The following ZFYVE28 variants were observed in gnomAD, a reference collection of about 807,000 sequenced individuals.
The protein encoded by ZFYVE28 is lateral signaling target protein 2 homolog.
In ZFYVE28, 40 loss-of-function variants were observed where a neutral mutation model predicts 82.1. The ratio of observed to expected loss-of-function variants is 0.49; its 90% CI spans 0.38 to 0.63. The LOEUF is 0.63. ZFYVE28 is among the 30% of genes least tolerant of loss of function. The probability of loss-of-function intolerance (pLI) is 0.00; values close to 1 mark genes in which losing one functional copy is unlikely to be tolerated. For missense variants in ZFYVE28, 1,321 were observed against 1,242.1 expected, an observed-to-expected ratio of 1.06 and a Z score of -0.96; for synonymous variants, 612 against 546.1, an observed-to-expected ratio of 1.12 and a Z score of -1.68.
At chr4:2,281,867 G>A (rs1407542656) in intron 8 of ZFYVE28, among the ~76,000 whole-genome samples, 5 of 152,206 alleles carry the variant, frequency 3.3e-5, no homozygotes. Context: ...CAAAAGCCAA[G>A]TCTAGTGGGG....
chr4:2,288,628 CT>C (rs780240529), intron 8 of ZFYVE28, among the ~76,000 whole-genome samples: 23 of 152,248 alleles, frequency 1.5e-4, no homozygotes, highest in Non-Finnish European at 2.9e-4. Context: ...ATCACCACCT[CT>C]GCCATGTGGG....
chr4:2,369,326 ATGGGCAAGTGTGGAC>A (rs1483448709), intron 1 of ZFYVE28, among the ~76,000 whole-genome samples: 1 of 152,186 alleles, frequency 6.6e-6, no homozygotes, highest in African/African-American at 2.4e-5. Context: ...CACCAAAGCC[ATGGGCAAGTGTGGAC>A]TGGGCAATGT....
rs778253645 is a variant in ZFYVE28, at chr4:2,335,800, C to T, written c.612-6G>A. ...GGTACCCGAAGTCCAGGGCCCTGTC[C>T]GGGGAGACGGACAGTGAGCAGCATG... is the stretch of plus-strand genomic sequence containing the variant. On this transcript the variant is annotated splice_region_variant and splice_polypyrimidine_tract_variant and intron_variant, in intron 5 of 12. Transcript: ENST00000290974. This position sits in a 1 kb window ranked among gnomAD's most constrained non-coding sequence, Gnocchi z 5.8. 4.5e-6 allele frequency: 7 copies of T among 1,555,698 alleles called. No individual in the cohort carries two copies. Among genetic ancestry groups the T allele is most frequent in the South Asian group, 1.2e-5 (1 of 84,364 alleles).
At chr4:2,334,292 TA>T (rs1174685882) in intron 6 of ZFYVE28, among the ~76,000 whole-genome samples, 1 of 152,024 alleles carries the variant, frequency 6.6e-6, no homozygotes, top group Non-Finnish European at 1.5e-5. Context: ...CACCAGGACC[TA>T]GGGGAGTGAG....
Position 2,304,953 on chromosome 4 carries a change from G to A in ZFYVE28, c.1387C>T (p.Leu463Phe), listed in dbSNP as rs534718019. The change falls in exon 8 of 13, where the codon CTC (leucine) becomes TTC (phenylalanine). Residue 463 changes from leucine to phenylalanine, a missense_variant. Coordinates refer to ENST00000290974, the MANE Select transcript of ZFYVE28 (RefSeq NM_020972.3). The stretch of plus-strand genomic sequence containing the variant: ...GCCCCATCTGTGCCCTCGGCCTCGA[G>A]ATTGTTGTTGCTCAAGTCCTCCTCC... ...EKEEDLSNNN[L>F]EAEGTDGASL... 27 of 1,612,616 alleles carry A rather than the reference G, an allele frequency of 1.7e-5. No homozygotes were observed. Among genetic ancestry groups the A allele is most frequent in the Non-Finnish European group, 2.1e-5 (25 of 1,179,894 alleles).
At chr4:2,386,414 G>A (rs936092300) in intron 1 of ZFYVE28, among the ~76,000 whole-genome samples, 2 of 152,210 alleles carry the variant, frequency 1.3e-5, no homozygotes, top group Non-Finnish European at 2.9e-5. Context: ...CAACAAAGGA[G>A]GCGGAGGTTG....
At chr4:2,274,724 G>A (rs1307329116) in intron 8 of ZFYVE28, among the ~76,000 whole-genome samples, 1 of 152,162 alleles carries the variant, frequency 6.6e-6, no homozygotes, top group Non-Finnish European at 1.5e-5. Context: ...TGAATGATCC[G>A]GACAGGTCAT....
At chr4:2,392,211 C>A (rs530980465) in intron 1 of ZFYVE28, among the ~76,000 whole-genome samples, 12 of 151,668 alleles carry the variant, frequency 7.9e-5, no homozygotes, top group Admixed American at 2.6e-4. Flanking sequence ...CACTTAATTA[C>A]AAAATATGGC....
chr4:2,275,134 C>T (rs1235287889), intron 8 of ZFYVE28, among the ~76,000 whole-genome samples: 1 of 152,118 alleles, frequency 6.6e-6, no homozygotes, highest in Non-Finnish European at 1.5e-5. Flanking sequence ...GTTCTGACTT[C>T]CAGACCTCAG....
intron 7 of ZFYVE28, among the ~76,000 whole-genome samples, chr4:2,308,675 AAG>A (rs1175184341): frequency 0.015 from 1,407 of 93,060 alleles, 39 homozygotes; most frequent in African/African-American, 0.055. Context: ...GAAAGAAAGA[AAG>A]AGAAAGAAAG....
chr4:2,366,321 A>G (rs183496700), intron 1 of ZFYVE28, among the ~76,000 whole-genome samples: 2 of 152,360 alleles, frequency 1.3e-5, no homozygotes, highest in Admixed American at 1.3e-4. Context: ...GCTTATGCAA[A>G]GCTGCACGTG....
At position 2,341,207 on chromosome 4, in the gene ZFYVE28, C is replaced by A. The variant is rs1722742947; in HGVS notation, c.318+271G>T. On this transcript the variant is annotated intron_variant, in intron 3 of 12. Transcript: ENST00000290974. The surrounding 1 kb of genome is among the most constrained non-coding windows in gnomAD (Gnocchi z 4.5). ...ATTAAAAACCACTTTTAGGTCCTGG[C>A]TGTCTGGGGGCCTGTGAACCTCATA... The A allele has an allele frequency of 1.9e-6, 1 of 531,966 alleles. No homozygotes were observed. Among genetic ancestry groups the A allele is most frequent in the Non-Finnish European group, 3.4e-6 (1 of 297,324 alleles). 33.0% of individuals were successfully genotyped at this position (531,966 alleles called of 1,614,324 possible).
At chr4:2,353,683 C>G (rs1043112357) in intron 2 of ZFYVE28, among the ~76,000 whole-genome samples, 2 of 152,162 alleles carry the variant, frequency 1.3e-5, no homozygotes, top group Admixed American at 1.3e-4. Flanking sequence ...CACTCCGCAC[C>G]CCCTGCCCCC....
chr4:2,293,039 T>A (rs2108812624), intron 8 of ZFYVE28, among the ~76,000 whole-genome samples: 1 of 151,846 alleles, frequency 6.6e-6, no homozygotes, highest in South Asian at 2.1e-4. Context: ...AGGAGAACCA[T>A]GTGATTACGT....
At chr4:2,366,067 G>C (rs554622823) in intron 1 of ZFYVE28, among the ~76,000 whole-genome samples, 2 of 151,758 alleles carry the variant, frequency 1.3e-5, no homozygotes, top group Non-Finnish European at 2.9e-5. Flanking sequence ...AGCGCAGCCA[G>C]TGAAGGAAGG....
chr4:2,334,228 G>A (rs1230719881), intron 6 of ZFYVE28, among the ~76,000 whole-genome samples: 4 of 152,128 alleles, frequency 2.6e-5, no homozygotes, highest in Admixed American at 6.5e-5. Context: ...GGGACTCTGG[G>A]GAGCCAGGGC....
rs1733390887 is a variant in ZFYVE28, at chr4:2,418,577, C to G, written c.-254G>C. The G allele has an allele frequency of 6.4e-6, 1 of 156,198 alleles. No individual in the cohort carries two copies. The highest frequency in any genetic ancestry group is 1.4e-5 in the Non-Finnish European group (1 of 72,094). 9.7% of individuals were successfully genotyped at this position (156,198 alleles called of 1,614,324 possible). A position where few individuals can be genotyped will look rare whatever the true frequency, so the allele number is the denominator to read the frequency against. ...ACCCGGGAGTGGGCGCTCGGGCGCACGGACAGACGCGGGCACGGGGGCGCG... is the reference window on the plus strand; with the variant it reads ...ACCCGGGAGTGGGCGCTCGGGCGCAGGGACAGACGCGGGCACGGGGGCGCG... On this transcript the variant is annotated 5_prime_UTR_variant, in exon 1 of 13. Transcript: ENST00000290974. The surrounding 1 kb of genome is among the most constrained non-coding windows in gnomAD (Gnocchi z 4.6).
intron 1 of ZFYVE28, among the ~76,000 whole-genome samples, chr4:2,410,814 T>C (rs1393373123): frequency 6.6e-6 from 1 of 152,182 alleles, no homozygotes; most frequent in East Asian, 1.9e-4. Flanking sequence ...TGTCATGCCA[T>C]GGTGTGGAGG....
At chr4:2,373,872 C>T (rs7655149) in intron 1 of ZFYVE28, among the ~76,000 whole-genome samples, 5,901 of 152,286 alleles carry the variant, frequency 0.039, 310 homozygotes, top group African/African-American at 0.12. Context: ...AGTAGGGGAA[C>T]GCACAGGGAT....
Sources: gnomAD v4.1 joint callset for allele counts (sites outside exome capture counted in the v4.1 genomes callset) on GRCh38, gnomAD v4.1.1 for gene constraint, Gnocchi (gnomAD v3.1) non-coding constraint, MANE v1.5 for transcripts, NCBI Gene and HGNC (gene_info 2026-07-23, HGNC 2026-07-21) for gene names.